The following GABPA variants were observed in gnomAD, a reference collection of about 807,000 sequenced individuals.
GABPA encodes the protein GA binding protein transcription factor subunit alpha, also known as GA-binding protein alpha chain.
GABPA carries 4 observed loss-of-function variants against 59.4 expected under a neutral mutation model. That is an observed-to-expected ratio of 0.07 (90% confidence interval 0.03 to 0.15). The LOEUF (loss-of-function observed/expected upper bound fraction) is 0.15, where lower values mean the gene tolerates loss of function less well. Ranked by LOEUF, GABPA falls within the 10% of genes least tolerant of loss-of-function variation. The pLI is 1.00. For synonymous variants in GABPA, 164 were observed against 183.1 expected (o/e 0.90, Z 0.84); for missense variants, 251 against 543.8 (o/e 0.46, Z 5.36).
chr21:25,748,526 C>T (rs2035425989), intron 3 of GABPA, among the ~76,000 whole-genome samples: 1 of 152,082 alleles, frequency 6.6e-6, no homozygotes, highest in Non-Finnish European at 1.5e-5. Context: ...ATATTCATAG[C>T]TAGGTTAGGT....
intron 9 of GABPA, among the ~76,000 whole-genome samples, chr21:25,766,452 A>T (rs1435460192): frequency 2.0e-5 from 3 of 152,038 alleles, no homozygotes; most frequent in African/African-American, 7.2e-5. Flanking sequence ...TGAAAGCCTT[A>T]TTAAGAGAGC....
chr21:25,743,409 C>T (rs948211773), intron 2 of GABPA, among the ~76,000 whole-genome samples: 1 of 152,098 alleles, frequency 6.6e-6, no homozygotes, highest in African/African-American at 2.4e-5. Context: ...CATGCATGCA[C>T]ACAGATGGTC....
In GABPA at chr21:25,735,302, T is replaced by A; in HGVS notation, c.-303T>A. ...TAAAACAAAGCGGATTGGGGCGTTG[T>A]GCTTCCTTGTACCTCGTGAGCCTCC... is the stretch of plus-strand genomic sequence containing the variant. On this transcript the variant is annotated 5_prime_UTR_variant, in exon 1 of 10. Transcript: ENST00000400075. The A allele has an allele frequency of 2.8e-6, 1 of 352,608 alleles. No homozygotes were observed. Among genetic ancestry groups the A allele is most frequent in the African/African-American group, 2.1e-5 (1 of 48,112 alleles). 21.8% of individuals were successfully genotyped at this position (352,608 alleles called of 1,614,324 possible).
intron 9 of GABPA, among the ~76,000 whole-genome samples, chr21:25,765,389 G>T (rs989673702): frequency 6.6e-6 from 1 of 151,888 alleles, no homozygotes; most frequent in African/African-American, 2.4e-5. Context: ...CAATTCACGA[G>T]TTTTTCTAAA....
chr21:25,736,118 A>G (rs958639967), intron 1 of GABPA, among the ~76,000 whole-genome samples: 3 of 152,242 alleles, frequency 2.0e-5, no homozygotes, highest in Non-Finnish European at 2.9e-5. Context: ...AAGTAAACCA[A>G]GGAGATAACA....
chr21:25,748,914 AT>A (rs2035437112), intron 3 of GABPA, 121 bp from the exon 4 acceptor site: 2 of 668,230 alleles, frequency 3.0e-6, no homozygotes, highest in Non-Finnish European at 5.3e-6. Context: ...TGTTCTTATA[AT>A]TTAATTAGTA....
chr21:25,749,304 C>G (rs1281542974), intron 4 of GABPA, among the ~76,000 whole-genome samples, 184 bp downstream of exon 4: 2 of 152,130 alleles, frequency 1.3e-5, no homozygotes, highest in South Asian at 4.1e-4. Context: ...ACACATTCTA[C>G]TTAGTTCAAT....
intron 6 of GABPA, among the ~76,000 whole-genome samples, chr21:25,758,840 C>T (rs931016451): frequency 1.3e-5 from 2 of 152,096 alleles, no homozygotes; most frequent in Non-Finnish European, 2.9e-5. Flanking sequence ...TTGGATGAGG[C>T]AGGCAGATCA....
At chr21:25,737,438 A>G (rs1228641987) in intron 1 of GABPA, among the ~76,000 whole-genome samples, 1 of 152,176 alleles carries the variant, frequency 6.6e-6, no homozygotes, top group Non-Finnish European at 1.5e-5. Context: ...ACTGAGTAAT[A>G]TTTTTTGACA....
chr21:25,736,235 A>G (rs566723857), intron 1 of GABPA, among the ~76,000 whole-genome samples: 12 of 152,340 alleles, frequency 7.9e-5, no homozygotes, highest in Admixed American at 2.6e-4. Context: ...CGAGAGGACA[A>G]TGCCTAATAT....
At chr21:25,750,340 G>A (rs2035478580) in intron 4 of GABPA, among the ~76,000 whole-genome samples, 1 of 152,168 alleles carries the variant, frequency 6.6e-6, no homozygotes, top group African/African-American at 2.4e-5. Flanking sequence ...CTGGGGTTTG[G>A]GGACCTCTGA....
In GABPA at chr21:25,735,088, C is replaced by T. The variant is rs1192622093; in HGVS notation, c.-517C>T. The T allele has an allele frequency of 1.1e-6, 1 of 883,068 alleles. No homozygotes were observed. Among genetic ancestry groups the T allele is most frequent in the Non-Finnish European group, 1.8e-6 (1 of 551,454 alleles). The allele number at this position is 883,068 out of a possible 1,614,324, so 54.7% of individuals were successfully genotyped here. On this transcript the variant is annotated 5_prime_UTR_variant, in exon 1 of 10. Transcript: ENST00000400075. The stretch of plus-strand genomic sequence containing the variant: ...AGTGGAGGGTAAGTGCTTCCGGGTC[C>T]CCTGGCACAGCCTCCGCCATCTTTT...
chr21:25,757,964 A>G (rs759676625), intron 5 of GABPA, 46 bp from the exon 6 acceptor site: 7 of 1,194,480 alleles, frequency 5.9e-6, no homozygotes, highest in Non-Finnish European at 8.0e-6. Flanking sequence ...AAATTTACAC[A>G]GTATCTAAAA....
In GABPA at chr21:25,771,493, A is replaced by G. The variant is rs1250602015; in HGVS notation, c.*2261A>G. On this transcript the variant is annotated 3_prime_UTR_variant, in exon 10 of 10. Coordinates refer to ENST00000400075, the MANE Select transcript of GABPA (RefSeq NM_002040.4). ...TATGCATGACATAGGTAATGTGACT[A>G]ATTTCTCCAGTTGATTCAAGAAACT... 6.6e-6 allele frequency: 1 copy of G among 151,764 alleles called. No homozygotes were observed. Among genetic ancestry groups the G allele is most frequent in the Non-Finnish European group, 1.5e-5 (1 of 67,784 alleles). The allele number at this position is 151,764 out of a possible 1,614,324, so 9.4% of individuals were successfully genotyped here.
At chr21:25,745,139 TTTAG>T in intron 2 of GABPA, 67 bp from the exon 3 acceptor site, 1 of 1,532,066 alleles carries the variant, frequency 6.5e-7, no homozygotes, top group Non-Finnish European at 8.9e-7. Flanking sequence ...GGATTGTGTT[TTTAG>T]CATATTGTTG....
At chr21:25,763,017 T>C in intron 7 of GABPA, 1 of 385,776 alleles carries the variant, frequency 2.6e-6, no homozygotes, top group South Asian at 2.6e-5. Flanking sequence ...TGCCTTCAGC[T>C]TTATTCTTTA....
intron 7 of GABPA, among the ~76,000 whole-genome samples, chr21:25,762,592 T>G (rs927232764): frequency 2.6e-5 from 4 of 152,222 alleles, no homozygotes. Flanking sequence ...TTCACCAAAA[T>G]TTGTTAGGAC....
intron 2 of GABPA, among the ~76,000 whole-genome samples, chr21:25,742,162 A>G (rs2035237705): frequency 6.6e-6 from 1 of 152,240 alleles, no homozygotes; most frequent in African/African-American, 2.4e-5. Context: ...ATGTAGTGAA[A>G]AGTGTTAATT....
At chr21:25,745,572 A>C (rs2035341040) in intron 3 of GABPA, among the ~76,000 whole-genome samples, 1 of 152,224 alleles carries the variant, frequency 6.6e-6, no homozygotes, top group Admixed American at 6.5e-5. Context: ...CAAATGAAAC[A>C]TTTGTTTTTT....
Sources: allele counts gnomAD v4.1 joint callset (sites outside exome capture counted in the v4.1 genomes callset), GRCh38; gene constraint gnomAD v4.1.1; transcripts MANE v1.5; gene names NCBI Gene and HGNC (gene_info 2026-07-23, HGNC 2026-07-21).